The following RAB11FIP2 variants were observed in gnomAD, a reference collection of about 807,000 sequenced individuals.
The protein encoded by RAB11FIP2 is rab11 family-interacting protein 2.
A neutral mutation model predicts 40.9 loss-of-function variants in RAB11FIP2; 16 were observed. That is an observed-to-expected ratio of 0.39 (90% CI 0.26 to 0.59). The LOEUF is 0.59. Ranked by LOEUF, RAB11FIP2 falls within the 20% of genes least tolerant of loss-of-function variation. The pLI is 0.53. For missense variants in RAB11FIP2, 532 were observed against 606.2 expected, an observed-to-expected ratio of 0.88 and a Z score of 1.28; for synonymous variants, 228 against 213.7, an observed-to-expected ratio of 1.07 and a Z score of -0.58.
At position 118,046,430 on chromosome 10, in the gene RAB11FIP2, G is replaced by C; in HGVS notation, c.-267C>G. On this transcript the variant is annotated 5_prime_UTR_variant, in exon 1 of 5. Coordinates refer to ENST00000355624, the MANE Select transcript of RAB11FIP2 (RefSeq NM_014904.3). ...CGTGCAGGCCTCTGCGCGGACCCCC[G>C]CCCCTGTCTCCACCTTCCCCAGGCC... 1 of 423,076 alleles carries C rather than the reference G, an allele frequency of 2.4e-6. No homozygotes were observed. The highest frequency in any genetic ancestry group is 4.2e-6 in the Non-Finnish European group (1 of 236,778). 26.2% of individuals were successfully genotyped at this position (423,076 alleles called of 1,614,324 possible). A position where few individuals can be genotyped will look rare whatever the true frequency, so the allele number is the denominator to read the frequency against.
At chr10:118,035,538 A>G (rs1277822345) in intron 3 of RAB11FIP2, among the ~76,000 whole-genome samples, 1 of 152,118 alleles carries the variant, frequency 6.6e-6, no homozygotes, top group Non-Finnish European at 1.5e-5. Context: ...AAACTGCTAT[A>G]CTGTGTGCAT....
chr10:118,024,709 G>C (rs1846322579), intron 3 of RAB11FIP2, among the ~76,000 whole-genome samples: 1 of 152,114 alleles, frequency 6.6e-6, no homozygotes, highest in Non-Finnish European at 1.5e-5. Context: ...GAGGGTGCAA[G>C]CAAGGCATCC....
Position 118,046,270 on chromosome 10 carries a change from A to C in RAB11FIP2, c.-107T>G. The C allele has an allele frequency of 1.0e-6, 1 of 987,224 alleles. No individual in the cohort carries two copies. The highest frequency in any genetic ancestry group is 1.5e-6 in the Non-Finnish European group (1 of 654,916). The allele number at this position is 987,224 out of a possible 1,614,324, so 61.2% of individuals were successfully genotyped here. A position where few individuals can be genotyped will look rare whatever the true frequency, so the allele number is the denominator to read the frequency against. On this transcript the variant is annotated 5_prime_UTR_variant, in exon 1 of 5. Transcript: ENST00000355624. ...CATCCTAAGGACACTTAACGGAAACAGGCAGGCTCAGGGCTCCCCGACTTC... is the reference window on the plus strand; with the variant it reads ...CATCCTAAGGACACTTAACGGAAACCGGCAGGCTCAGGGCTCCCCGACTTC...
chr10:118,046,180 G>A lies in RAB11FIP2; in HGVS notation c.-17C>T. On this transcript the variant is annotated 5_prime_UTR_variant, in exon 1 of 5. Transcript: ENST00000355624. ...CAGCATCATCCTGTCCTGTTTCTCT[G>A]CCCCCGAGTTCCCTAGCACAGGCAG... is the stretch of plus-strand genomic sequence containing the variant. 10 of 1,604,418 alleles carry A rather than the reference G, an allele frequency of 6.2e-6. No individual in the cohort carries two copies. The highest frequency in any genetic ancestry group is 8.5e-6 in the Non-Finnish European group (10 of 1,173,296).
At chr10:118,030,008 A>G (rs942580734) in intron 3 of RAB11FIP2, among the ~76,000 whole-genome samples, 30 of 152,198 alleles carry the variant, frequency 2.0e-4, no homozygotes, top group Non-Finnish European at 4.3e-4. Context: ...TGACTGTTTT[A>G]AAGTAGACAA....
chr10:118,007,539 AT>A lies in RAB11FIP2; in HGVS notation c.*1458del, dbSNP rs1263078626. The A allele has an allele frequency of 1.3e-5, 2 of 151,976 alleles. No individual in the cohort carries two copies. The highest frequency in any genetic ancestry group is 2.9e-5 in the Non-Finnish European group (2 of 67,950). The allele number at this position is 151,976 out of a possible 1,614,324, so 9.4% of individuals were successfully genotyped here. On this transcript the variant is annotated 3_prime_UTR_variant, in exon 5 of 5. Coordinates refer to ENST00000355624, the MANE Select transcript of RAB11FIP2 (RefSeq NM_014904.3). The stretch of plus-strand genomic sequence containing the variant: ...TAAGTATTAGAAAAAAATGCAATTC[AT>A]GGAAAGATTGGGGAATATGTAAGTC...
chr10:118,024,469 T>TG (rs1846319329), intron 3 of RAB11FIP2, among the ~76,000 whole-genome samples: 1 of 71,536 alleles, frequency 1.4e-5, no homozygotes, highest in African/African-American at 5.1e-5. Flanking sequence ...GTCATCATCA[T>TG]CGTGTGTGTG....
chr10:118,014,173 C>T (rs544871105), intron 4 of RAB11FIP2, among the ~76,000 whole-genome samples: 5 of 152,160 alleles, frequency 3.3e-5, no homozygotes, highest in African/African-American at 9.6e-5. Flanking sequence ...CCTAAACCCA[C>T]CTTAGCTTCT....
intron 4 of RAB11FIP2, 77 bp from the exon 5 acceptor site, chr10:118,009,302 C>A (rs770420785): frequency 1.0e-5 from 14 of 1,368,252 alleles, no homozygotes; most frequent in Non-Finnish European, 1.4e-5. Context: ...GGAACTTCGA[C>A]TTTTTGTTTT....
At position 118,046,150 on chromosome 10, in the gene RAB11FIP2, T is replaced by C. The variant is rs1180102352; in HGVS notation, c.14A>G (p.Glu5Gly). ...GGTTGGAAACCACTTTTGGGCTTGC[T>C]CGGACAGCATCATCCTGTCCTGTTT... Reference protein sequence around the residue: MMLSEQAQKWFPTHV... With the variant: MMLSGQAQKWFPTHV... Residue 5 changes from glutamate (E) to glycine (G), a missense_variant, in exon 1 of 5, where the codon GAG becomes GGG. Coordinates refer to ENST00000355624, the MANE Select transcript of RAB11FIP2 (RefSeq NM_014904.3). The C allele has an allele frequency of 6.2e-7, 1 of 1,613,670 alleles. No individual in the cohort carries two copies. The highest frequency in any genetic ancestry group is 8.5e-7 in the Non-Finnish European group (1 of 1,179,902).
rs954595683 is a variant in RAB11FIP2, at chr10:118,046,924, T to G, written c.-761A>C. On this transcript the variant is annotated 5_prime_UTR_variant, in exon 1 of 5. It removes an upstream start codon present in the reference 5' UTR. Coordinates refer to ENST00000355624, the MANE Select transcript of RAB11FIP2 (RefSeq NM_014904.3). ...GGCACTTCCGGGTTGGCCTTCTCCA[T>G]GTTGGTCTCGGGAACGTGAAGGGGC... 1 of 153,048 alleles carries G rather than the reference T, an allele frequency of 6.5e-6. No individual in the cohort carries two copies. Among genetic ancestry groups the G allele is most frequent in the Non-Finnish European group, 1.5e-5 (1 of 68,614 alleles). 9.5% of individuals were successfully genotyped at this position (153,048 alleles called of 1,614,324 possible). A position where few individuals can be genotyped will look rare whatever the true frequency, so the allele number is the denominator to read the frequency against.
intron 3 of RAB11FIP2, among the ~76,000 whole-genome samples, chr10:118,020,671 A>G (rs556096082): frequency 1.1e-4 from 16 of 152,300 alleles, no homozygotes; most frequent in African/African-American, 3.6e-4. Context: ...AGCTGCAGCT[A>G]AGCATGCAAT....
At chr10:118,036,531 T>A (rs1275083016) in intron 3 of RAB11FIP2, among the ~76,000 whole-genome samples, 4 of 152,146 alleles carry the variant, frequency 2.6e-5, no homozygotes, top group African/African-American at 7.2e-5. Flanking sequence ...AAGATAAAGC[T>A]GCTTGCCAAA....
intron 4 of RAB11FIP2, among the ~76,000 whole-genome samples, chr10:118,011,892 T>A (rs1300231000): frequency 6.6e-6 from 1 of 151,984 alleles, no homozygotes; most frequent in Non-Finnish European, 1.5e-5. Context: ...TTTAACATAA[T>A]AAAAGCATCT....
At chr10:118,035,551 G>C (rs1368735167) in intron 3 of RAB11FIP2, among the ~76,000 whole-genome samples, 1 of 152,066 alleles carries the variant, frequency 6.6e-6, no homozygotes, top group Non-Finnish European at 1.5e-5. Flanking sequence ...GTGTGCATTA[G>C]GAAACTGGTT....
intron 3 of RAB11FIP2, among the ~76,000 whole-genome samples, chr10:118,017,285 A>C (rs1023433858): frequency 6.6e-6 from 1 of 152,224 alleles, no homozygotes; most frequent in Admixed American, 6.5e-5. Context: ...GGCCACATAG[A>C]TGAATCAGAG....
chr10:118,044,727 AAG>A (rs1846604477), intron 1 of RAB11FIP2, among the ~76,000 whole-genome samples: 1 of 148,324 alleles, frequency 6.7e-6, no homozygotes, highest in South Asian at 2.1e-4. Context: ...AGAAAAGAAC[AAG>A]AGAGAGTCGT....
At chr10:118,026,557 G>A (rs1846346417) in intron 3 of RAB11FIP2, among the ~76,000 whole-genome samples, 1 of 152,168 alleles carries the variant, frequency 6.6e-6, no homozygotes, top group Admixed American at 6.5e-5. Flanking sequence ...TACCAAAGGG[G>A]ACTGAAATGT....
At chr10:118,022,518 C>T (rs2074218846) in intron 3 of RAB11FIP2, among the ~76,000 whole-genome samples, 1 of 152,098 alleles carries the variant, frequency 6.6e-6, no homozygotes, top group South Asian at 2.1e-4. Flanking sequence ...CCCCTAATGC[C>T]AAGGAACAAT....
Sources: allele counts gnomAD v4.1 joint callset (sites outside exome capture counted in the v4.1 genomes callset), GRCh38; gene constraint gnomAD v4.1.1; transcripts MANE v1.5; gene names NCBI Gene and HGNC (gene_info 2026-07-23, HGNC 2026-07-21).